Variants in MITF observed in about 807,000 individuals in gnomAD.
The protein encoded by MITF is melanocyte inducing transcription factor.
In MITF, 17 loss-of-function variants were observed where a neutral mutation model predicts 60.5. That is an observed-to-expected ratio of 0.28 (90% CI 0.19 to 0.42). The LOEUF (loss-of-function observed/expected upper bound fraction) is 0.42, where lower values mean the gene tolerates loss of function less well. Among genes scored for constraint, MITF ranks in the 10% least tolerant of loss-of-function variants. The pLI, the probability that MITF is intolerant of heterozygous loss-of-function variation, is 1.00. For missense variants in MITF, 622 were observed against 683.5 expected (o/e 0.91, Z 1.00); for synonymous variants, 260 against 248.5 (o/e 1.05, Z -0.43).
At chr3:69,811,427 T>A (rs2063098647) in intron 1 of MITF, among the ~76,000 whole-genome samples, 1 of 152,158 alleles carries the variant, frequency 6.6e-6, no homozygotes, top group African/African-American at 2.4e-5. Context: ...GTCCCCTGGA[T>A]CAATCACTGT....
chr3:69,927,076 T>G (rs2065608186), intron 2 of MITF, among the ~76,000 whole-genome samples: 1 of 151,904 alleles, frequency 6.6e-6, no homozygotes, highest in African/African-American at 2.4e-5. Flanking sequence ...AATTTATCGC[T>G]CGGGAATAGT....
intron 1 of MITF, among the ~76,000 whole-genome samples, chr3:69,842,468 G>C (rs1268387982): frequency 6.6e-6 from 1 of 152,194 alleles, no homozygotes; most frequent in Non-Finnish European, 1.5e-5. Context: ...CAGCTGGTGA[G>C]TTATTATGCA....
chr3:69,965,316 C>T lies in MITF; in HGVS notation c.*68C>T. 6.5e-7 allele frequency: 1 copy of T among 1,546,030 alleles called. No homozygotes were observed. The highest frequency in any genetic ancestry group is 8.9e-7 in the Non-Finnish European group (1 of 1,126,704). ...TTGATTCGTAGATTTAATAACTTAC[C>T]TGAAGGGGTTTTCTTGATAATTTTC... On this transcript the variant is annotated 3_prime_UTR_variant, in exon 10 of 10. Coordinates refer to ENST00000352241, the MANE Select transcript of MITF (RefSeq NM_001354604.2).
At chr3:69,938,562 C>A (rs148824047) in intron 3 of MITF, 1 of 1,392,774 alleles carries the variant, frequency 7.2e-7, no homozygotes, top group Middle Eastern at 2.5e-4. Flanking sequence ...TTAACGGAAA[C>A]GCAAAGGTTT....
intron 1 of MITF, among the ~76,000 whole-genome samples, chr3:69,821,533 G>C (rs958766254): frequency 1.3e-5 from 2 of 151,982 alleles, no homozygotes; most frequent in African/African-American, 2.4e-5. Context: ...ATTGCAACTT[G>C]CTCACTTTGC....
chr3:69,776,338 G>T (rs536988334), intron 1 of MITF, among the ~76,000 whole-genome samples: 3 of 152,182 alleles, frequency 2.0e-5, no homozygotes, highest in Non-Finnish European at 4.4e-5. Context: ...ATAGGTAGGG[G>T]ATAGTACACT....
At chr3:69,964,030 G>A (rs576959213) in intron 9 of MITF, among the ~76,000 whole-genome samples, 5 of 135,854 alleles carry the variant, frequency 3.7e-5, no homozygotes, top group South Asian at 4.8e-4. Flanking sequence ...AGGCTGGAGC[G>A]CAATGGCGCA....
At chr3:69,819,858 G>A (rs1235915844) in intron 1 of MITF, among the ~76,000 whole-genome samples, 2 of 152,148 alleles carry the variant, frequency 1.3e-5, no homozygotes, top group Non-Finnish European at 2.9e-5. Flanking sequence ...CCAGCTACCT[G>A]GGAGGCTAAG....
At chr3:69,934,168 T>A (rs1188945364) in intron 2 of MITF, among the ~76,000 whole-genome samples, 2 of 152,134 alleles carry the variant, frequency 1.3e-5, no homozygotes, top group African/African-American at 2.4e-5. Context: ...CAGAGGGCCC[T>A]GGTTGTATCT....
Position 69,739,492 on chromosome 3 carries a change from A to G in MITF, c.-106A>G. On this transcript the variant is annotated 5_prime_UTR_variant, in exon 1 of 10. Coordinates refer to ENST00000352241, the MANE Select transcript of MITF (RefSeq NM_001354604.2). ...AGCCGGCGAGCGGGCAGAGCTCGGC[A>G]CTGCGCCGGGGCGCACGGCTCGGGG... The G allele has an allele frequency of 4.7e-6, 5 of 1,063,884 alleles. No individual in the cohort carries two copies. The highest frequency in any genetic ancestry group is 1.4e-5 in the South Asian group (1 of 72,614). 65.9% of individuals were successfully genotyped at this position (1,063,884 alleles called of 1,614,324 possible). A position where few individuals can be genotyped will look rare whatever the true frequency, so the allele number is the denominator to read the frequency against.
chr3:69,786,355 A>G (rs1575709651), intron 1 of MITF, among the ~76,000 whole-genome samples: 1 of 152,066 alleles, frequency 6.6e-6, no homozygotes, highest in Non-Finnish European at 1.5e-5. Context: ...GCTTTACGGG[A>G]TTGTTGACAG....
At chr3:69,752,284 C>T (rs1703966490) in intron 1 of MITF, 1 of 152,188 alleles carries the variant, frequency 6.6e-6, no homozygotes, top group Admixed American at 6.6e-5. Context: ...AATTGGGTAA[C>T]AGGCAGAGGT....
intron 1 of MITF, among the ~76,000 whole-genome samples, chr3:69,804,174 C>T (rs865845870): frequency 6.6e-6 from 1 of 152,198 alleles, no homozygotes; most frequent in Non-Finnish European, 1.5e-5. Flanking sequence ...TTCTGAAGTA[C>T]TAAAAATACA....
chr3:69,843,095 A>G (rs933738655), intron 1 of MITF, among the ~76,000 whole-genome samples: 1 of 152,148 alleles, frequency 6.6e-6, no homozygotes, highest in Non-Finnish European at 1.5e-5. Flanking sequence ...GGTCCTTGCC[A>G]GGGACTATAA....
intron 1 of MITF, among the ~76,000 whole-genome samples, chr3:69,852,623 T>C (rs1479518603): frequency 6.6e-6 from 1 of 152,234 alleles, no homozygotes; most frequent in Non-Finnish European, 1.5e-5. Flanking sequence ...ATGAACATTA[T>C]TGCTATATGC....
At chr3:69,960,149 T>C (rs900284430) in intron 9 of MITF, among the ~76,000 whole-genome samples, 2 of 152,180 alleles carry the variant, frequency 1.3e-5, no homozygotes, top group Non-Finnish European at 2.9e-5. Flanking sequence ...TATACCACGT[T>C]AAACAAGAAG....
At chr3:69,850,003 A>G (rs1449408345) in intron 1 of MITF, among the ~76,000 whole-genome samples, 5 of 152,162 alleles carry the variant, frequency 3.3e-5, no homozygotes, top group African/African-American at 1.2e-4. Flanking sequence ...CAGTCAATCG[A>G]GTTTTTTGTG....
intron 1 of MITF, among the ~76,000 whole-genome samples, chr3:69,841,054 C>A (rs564326524): frequency 6.6e-6 from 1 of 152,140 alleles, no homozygotes. Context: ...CCACACCAGG[C>A]CTCTAAACTG....
chr3:69,813,603 C>A (rs979956381), intron 1 of MITF, among the ~76,000 whole-genome samples: 18 of 152,128 alleles, frequency 1.2e-4, no homozygotes, highest in African/African-American at 3.9e-4. Context: ...ATTAGCTTTT[C>A]TGGAGTTACG....
Sources: gnomAD v4.1 joint callset for allele counts (sites outside exome capture counted in the v4.1 genomes callset) on GRCh38, gnomAD v4.1.1 for gene constraint, MANE v1.5 for transcripts, NCBI Gene and HGNC (gene_info 2026-07-23, HGNC 2026-07-21) for gene names.